PDE7B: variants seen among roughly 807,000 people sequenced by gnomAD.
The protein encoded by PDE7B is phosphodiesterase 7B.
In PDE7B, 29 loss-of-function variants were observed where a neutral mutation model predicts 56.2. The ratio of observed to expected loss-of-function variants is 0.52; its 90% CI spans 0.38 to 0.70. PDE7B has a LOEUF of 0.70. Among genes scored for constraint, PDE7B ranks in the 30% least tolerant of loss-of-function variants. PDE7B has a pLI of 0.00. For synonymous variants in PDE7B, 197 were observed against 196.9 expected (o/e 1.00, Z 0.00); for missense variants, 490 against 565.0 (o/e 0.87, Z 1.35).
chr6:135,938,105 T>C (rs2128198244), intron 1 of PDE7B, among the ~76,000 whole-genome samples: 1 of 152,344 alleles, frequency 6.6e-6, no homozygotes, highest in South Asian at 2.1e-4. Flanking sequence ...TGTTGAGGAA[T>C]AGGTTTGGGA....
At chr6:136,169,087 TC>T (rs1227926205) in intron 8 of PDE7B, among the ~76,000 whole-genome samples, 3 of 152,118 alleles carry the variant, frequency 2.0e-5, no homozygotes, top group Non-Finnish European at 4.4e-5. Flanking sequence ...CTCTGTGGCC[TC>T]CCTAAGAAAC....
intron 6 of PDE7B, among the ~76,000 whole-genome samples, chr6:136,152,085 G>A (rs1433474788): frequency 1.3e-5 from 2 of 152,178 alleles, no homozygotes; most frequent in Non-Finnish European, 2.9e-5. Context: ...GGAGGGGTTG[G>A]TCTTCCTGTC....
At chr6:136,104,874 A>C (rs1272805214) in intron 2 of PDE7B, among the ~76,000 whole-genome samples, 1 of 152,212 alleles carries the variant, frequency 6.6e-6, no homozygotes, top group Admixed American at 6.5e-5. Flanking sequence ...CTCAAAGTGC[A>C]GTGTAGTTAT....
intron 1 of PDE7B, among the ~76,000 whole-genome samples, chr6:135,891,017 A>G (rs1385559632): frequency 6.6e-6 from 1 of 152,258 alleles, no homozygotes; most frequent in Non-Finnish European, 1.5e-5. Context: ...CTTAGGATTA[A>G]AAGGGTTTCT....
intron 2 of PDE7B, among the ~76,000 whole-genome samples, chr6:136,079,695 C>CT (rs1777175761): frequency 7.3e-6 from 1 of 137,510 alleles, no homozygotes; most frequent in South Asian, 2.3e-4. Context: ...GAAGTCGCAA[C>CT]TGAAGAGACC....
rs747206912 is a variant in PDE7B, at chr6:135,923,000, C to T, written c.22-24464C>T. ...GGATGTTTGGGCTTCTGCCAGTGGC[C>T]GTGGCACAGATGCTTTTAATAAAGG... On this transcript the variant is annotated intron_variant, in intron 1 of 12. Transcript: ENST00000308191. Among the ~76,000 whole-genome samples the T allele has an allele frequency of 5.9e-5, 9 of 152,192 alleles. No homozygotes were observed. The South Asian group carries it at 6.2e-4, about 11-fold the overall frequency.
At position 136,195,228 on chromosome 6, in the gene PDE7B, T is replaced by C. The variant is rs141918629; in HGVS notation, c.*3388T>C. ...AAGTAGAAACCAGGTTATTTCTCCC[T>C]GCTTATGGCTCCCCGCAAAGGGACT... On this transcript the variant is annotated 3_prime_UTR_variant, in exon 13 of 13. Transcript: ENST00000308191. 4.6e-5 allele frequency: 7 copies of C among 152,258 alleles called. No individual in the cohort carries two copies. In the East Asian group the frequency reaches 1.4e-3, roughly 29 times the overall value. 9.4% of individuals were successfully genotyped at this position (152,258 alleles called of 1,614,324 possible). A position where few individuals can be genotyped will look rare whatever the true frequency, so the allele number is the denominator to read the frequency against.
rs556664759 is a variant in PDE7B at position 135,925,681 on chromosome 6, GC to G, written c.22-21780del. On this transcript the variant is annotated intron_variant, in intron 1 of 12. Coordinates refer to ENST00000308191, the MANE Select transcript of PDE7B (RefSeq NM_018945.4). Reference sequence around the variant, plus strand: ...CTTAAAAGACAACAAAAAAGCAAAAGCCCTGGTTGAATAACATTTACAATTA... The same window carrying G: ...CTTAAAAGACAACAAAAAAGCAAAAGCCTGGTTGAATAACATTTACAATTA... Among the ~76,000 whole-genome samples, 6 of 152,196 alleles carry G rather than the reference GC, an allele frequency of 3.9e-5. No homozygotes were observed. In the East Asian group the frequency reaches 9.7e-4, roughly 25 times the overall value.
At chr6:136,161,936 G>A (rs1046494621) in intron 8 of PDE7B, 2 of 152,150 alleles carry the variant, frequency 1.3e-5, no homozygotes, top group Non-Finnish European at 2.9e-5. Flanking sequence ...GTGCCCATGG[G>A]GATATGTGAA....
In PDE7B at chr6:136,191,794, C is replaced by A. The variant is rs747299806; in HGVS notation, c.1307C>A (p.Ala436Glu). Residue 436 changes from alanine (A) to glutamate (E), a missense_variant, in exon 13 of 13, where the codon GCA (alanine) becomes GAA (glutamate). Coordinates refer to ENST00000308191, the MANE Select transcript of PDE7B (RefSeq NM_018945.4). Reference protein sequence around the residue: ...SSGSGPDHDHAGQGTESEEQE... With the variant: ...SSGSGPDHDHEGQGTESEEQE... Reference sequence around the variant, plus strand: ...GGCAGCGGGCCTGACCACGACCACGCAGGCCAAGGGACTGAGAGCGAGGAG... The same window carrying A: ...GGCAGCGGGCCTGACCACGACCACGAAGGCCAAGGGACTGAGAGCGAGGAG... The A allele has an allele frequency of 3.6e-5, 56 of 1,566,094 alleles. No homozygotes were observed. The highest frequency in any genetic ancestry group is 4.3e-5 in the Non-Finnish European group (50 of 1,156,138).
At chr6:135,954,883 C>T (rs1055311082) in intron 2 of PDE7B, among the ~76,000 whole-genome samples, 2 of 152,210 alleles carry the variant, frequency 1.3e-5, no homozygotes, top group African/African-American at 4.8e-5. Flanking sequence ...TCCACAGCAA[C>T]AGAACACCTC....
chr6:135,898,630 A>G (rs1256171467), intron 1 of PDE7B, among the ~76,000 whole-genome samples: 1 of 152,190 alleles, frequency 6.6e-6, no homozygotes, highest in Admixed American at 6.5e-5. Flanking sequence ...TAAATTATAT[A>G]CTTTCTTTAA....
In PDE7B at chr6:136,195,104, G is replaced by A. The variant is rs1047232877; in HGVS notation, c.*3264G>A. ...GAGAGAGAATACATATCACTGCCAG[G>A]CCTGATAGGAAAAATCTGCTCTTCC... On this transcript the variant is annotated 3_prime_UTR_variant, in exon 13 of 13. Transcript: ENST00000308191. The A allele has an allele frequency of 6.6e-6, 1 of 152,120 alleles. No homozygotes were observed. Among genetic ancestry groups the A allele is most frequent in the African/African-American group, 2.4e-5 (1 of 41,410 alleles). 9.4% of individuals were successfully genotyped at this position (152,120 alleles called of 1,614,324 possible). A position where few individuals can be genotyped will look rare whatever the true frequency, so the allele number is the denominator to read the frequency against.
chr6:136,008,251 G>A (rs1458143350), intron 2 of PDE7B, among the ~76,000 whole-genome samples: 1 of 152,058 alleles, frequency 6.6e-6, no homozygotes, highest in African/African-American at 2.4e-5. Context: ...CATTTGGGTT[G>A]GTTCCAAGTC....
At position 135,924,257 on chromosome 6, in the gene PDE7B, A is replaced by T. The variant is rs141045004; in HGVS notation, c.22-23207A>T. On this transcript the variant is annotated intron_variant, in intron 1 of 12. Transcript: ENST00000308191. ...TCACAATGCTCCTTATGACCTAAAA[A>T]ATTGGAAACAATTTAATTGTTCTGA... 5.8e-3 allele frequency among the ~76,000 whole-genome samples: 879 copies of T among 152,350 alleles called. 1 individual carries two copies. The highest frequency in any genetic ancestry group is 9.2e-3 in the Non-Finnish European group (628 of 68,034).
At chr6:135,957,988 T>G (rs553754461) in intron 2 of PDE7B, among the ~76,000 whole-genome samples, 1 of 152,120 alleles carries the variant, frequency 6.6e-6, no homozygotes, top group South Asian at 2.1e-4. Context: ...TCCCAGCACT[T>G]TGGGAGGCCG....
intron 2 of PDE7B, among the ~76,000 whole-genome samples, chr6:135,955,113 T>C (rs774076058): frequency 2.0e-5 from 3 of 152,088 alleles, no homozygotes; most frequent in Non-Finnish European, 2.9e-5. Flanking sequence ...GAAAACATGT[T>C]CAATCAACAA....
At chr6:135,942,932 C>T (rs532056009) in intron 1 of PDE7B, among the ~76,000 whole-genome samples, 7 of 152,250 alleles carry the variant, frequency 4.6e-5, no homozygotes, top group South Asian at 2.1e-4. Flanking sequence ...GTTGGCCCCA[C>T]GCCTTGGCTA....
Position 136,055,283 on chromosome 6 carries a change from T to C in PDE7B, c.83-53448T>C, listed in dbSNP as rs9402789. On this transcript the variant is annotated intron_variant, in intron 2 of 12. Transcript: ENST00000308191. ...GTGGGGAGTGAGAAGGGCAGGGAGA[T>C]GATGTACTCTAACTTCTGTGCTGTA... Among the ~76,000 whole-genome samples, 3 of 152,324 alleles carry C rather than the reference T, an allele frequency of 2.0e-5. No individual in the cohort carries two copies. In the East Asian group the frequency reaches 5.8e-4, roughly 29 times the overall value.
Sources: gnomAD v4.1 joint callset for allele counts (sites outside exome capture counted in the v4.1 genomes callset) on GRCh38, gnomAD v4.1.1 for gene constraint, MANE v1.5 for transcripts, NCBI Gene and HGNC (gene_info 2026-07-23, HGNC 2026-07-21) for gene names.